ABCB10: variants seen among roughly 807,000 people sequenced by gnomAD.
ABCB10 encodes the protein ATP-binding cassette sub-family B member 10, mitochondrial.
Under a neutral mutation model 65.4 loss-of-function variants are expected in ABCB10, and 54 were observed. The ratio of observed to expected loss-of-function variants is 0.83; its 90% CI spans 0.66 to 1.04. ABCB10 has a LOEUF of 1.04. ABCB10 is among the 50% of genes least tolerant of loss of function. ABCB10 has a pLI of 0.00. For missense variants in ABCB10, 846 were observed against 976.6 expected (o/e 0.87, Z 1.78); for synonymous variants, 418 against 406.5 (o/e 1.03, Z -0.34).
chr1:229,546,171 C>CAA (rs1236717877), intron 3 of ABCB10, among the ~76,000 whole-genome samples: 20 of 54,908 alleles, frequency 3.6e-4, no homozygotes, highest in East Asian at 1.7e-3. Flanking sequence ...TACTCCGTCT[C>CAA]AAAAAAAAAA....
intron 1 of ABCB10, among the ~76,000 whole-genome samples, chr1:229,557,047 C>T (rs1663265785): frequency 6.6e-6 from 1 of 152,144 alleles, no homozygotes; most frequent in East Asian, 1.9e-4. Flanking sequence ...TCTTTACACC[C>T]GAGTGATATC....
In ABCB10 at chr1:229,531,621, A is replaced by C; in HGVS notation, c.1435+15T>G. On this transcript the variant is annotated intron_variant, in intron 7 of 12. Coordinates refer to ENST00000344517, the MANE Select transcript of ABCB10 (RefSeq NM_012089.3). Reference sequence around the variant, plus strand: ...CATTTGTTAATCCTAGCAAAGAAACAATTTTCAGACCCACCGTTAAAAGGC... The same window carrying C: ...CATTTGTTAATCCTAGCAAAGAAACCATTTTCAGACCCACCGTTAAAAGGC... 1 of 1,612,818 alleles carries C rather than the reference A, an allele frequency of 6.2e-7. No homozygotes were observed. Among genetic ancestry groups the C allele is most frequent in the Non-Finnish European group, 8.5e-7 (1 of 1,179,384 alleles).
Position 229,540,687 on chromosome 1 carries a change from G to T in ABCB10, c.1122C>A (p.Ile374=), listed in dbSNP as rs768147554. The part of the protein sequence containing the change: ...VRAFGKEMTE[I]EKYASKVDHV... ...GGTCCACTTTGCTGGCATATTTCTCGATTTCAGTCATTTCTTTCCCAAAAG... is the reference window on the plus strand; with the variant it reads ...GGTCCACTTTGCTGGCATATTTCTCTATTTCAGTCATTTCTTTCCCAAAAG... Residue 374 remains isoleucine (I), a synonymous_variant, in exon 5 of 13, where the codon ATC becomes ATA. Coordinates refer to ENST00000344517, the MANE Select transcript of ABCB10 (RefSeq NM_012089.3). The T allele has an allele frequency of 6.2e-7, 1 of 1,613,254 alleles. No individual in the cohort carries two copies. The highest frequency in any genetic ancestry group is 1.3e-5 in the African/African-American group (1 of 74,970).
At chr1:229,550,891 T>A (rs1030906545) in intron 1 of ABCB10, among the ~76,000 whole-genome samples, 1 of 149,918 alleles carries the variant, frequency 6.7e-6, no homozygotes, top group South Asian at 2.1e-4. Flanking sequence ...GAAAAGAAAA[T>A]CCAATTAGTA....
intron 2 of ABCB10, among the ~76,000 whole-genome samples, chr1:229,548,817 C>T (rs1022192916): frequency 6.6e-6 from 1 of 152,048 alleles, no homozygotes; most frequent in African/African-American, 2.4e-5. Context: ...CACACACCAC[C>T]ACGCCCGGGT....
intron 3 of ABCB10, among the ~76,000 whole-genome samples, chr1:229,543,106 G>A (rs1272473249): frequency 1.3e-5 from 2 of 148,882 alleles, no homozygotes; most frequent in African/African-American, 5.0e-5. Context: ...ACTCCGCCTG[G>A]GCAACAAGAG....
intron 2 of ABCB10, among the ~76,000 whole-genome samples, chr1:229,548,304 G>A (rs1480562262): frequency 2.0e-5 from 3 of 151,898 alleles, no homozygotes; most frequent in South Asian, 4.2e-4. Context: ...ACACTTGGCC[G>A]AGATTTTTTT....
rs1662191110 is a variant in ABCB10, at chr1:229,516,974, A to G, written c.*1205T>C. On this transcript the variant is annotated 3_prime_UTR_variant, in exon 13 of 13. Coordinates refer to ENST00000344517, the MANE Select transcript of ABCB10 (RefSeq NM_012089.3). ...ATGCTTAGTTCATGGGAAAACTTCCATTTGATTTACATTGACTTAATTACT... is the reference window on the plus strand; with the variant it reads ...ATGCTTAGTTCATGGGAAAACTTCCGTTTGATTTACATTGACTTAATTACT... 1 of 152,206 alleles carries G rather than the reference A, an allele frequency of 6.6e-6. No homozygotes were observed. Among genetic ancestry groups the G allele is most frequent in the African/African-American group, 2.4e-5 (1 of 41,458 alleles). 9.4% of individuals were successfully genotyped at this position (152,206 alleles called of 1,614,324 possible).
chr1:229,536,629 G>A (rs1662727740), intron 6 of ABCB10, among the ~76,000 whole-genome samples: 1 of 152,130 alleles, frequency 6.6e-6, no homozygotes, highest in African/African-American at 2.4e-5. Flanking sequence ...GCAATCTCTC[G>A]CTATAATGAA....
At chr1:229,545,209 A>C (rs1473350789) in intron 3 of ABCB10, among the ~76,000 whole-genome samples, 3 of 152,188 alleles carry the variant, frequency 2.0e-5, no homozygotes, top group African/African-American at 7.2e-5. Context: ...CTGATCCCCA[A>C]AACTATTCAT....
intron 10 of ABCB10, among the ~76,000 whole-genome samples, chr1:229,523,430 T>C (rs908800940): frequency 2.0e-5 from 3 of 152,240 alleles, no homozygotes; most frequent in African/African-American, 7.2e-5. Context: ...GACATCATTT[T>C]ATTTCATATA....
chr1:229,519,606 G>A (rs956054953), intron 11 of ABCB10, among the ~76,000 whole-genome samples: 1 of 152,126 alleles, frequency 6.6e-6, no homozygotes, highest in African/African-American at 2.4e-5. Context: ...TGGCCAACAT[G>A]GCAAAACCCC....
At chr1:229,521,542 A>G (rs1662315886) in intron 11 of ABCB10, 50 bp downstream of exon 11, 2 of 1,541,556 alleles carry the variant, frequency 1.3e-6, no homozygotes, top group East Asian at 4.6e-5. Context: ...CAAGGTCCCT[A>G]ATAAAAATAA....
At chr1:229,544,984 G>C (rs1662934830) in intron 3 of ABCB10, among the ~76,000 whole-genome samples, 1 of 151,662 alleles carries the variant, frequency 6.6e-6, no homozygotes, top group Admixed American at 6.6e-5. Context: ...ACAAGAAAAG[G>C]CCTCAGAATG....
chr1:229,541,924 A>T (rs1372606597), intron 4 of ABCB10, among the ~76,000 whole-genome samples: 1 of 151,724 alleles, frequency 6.6e-6, no homozygotes, highest in Non-Finnish European at 1.5e-5. Flanking sequence ...AGAGTGCATG[A>T]AAAAACTTTT....
At position 229,542,327 on chromosome 1, in the gene ABCB10, C is replaced by CAAA; in HGVS notation, c.965_966insTTT (p.Val322_Pro323insLeu). On this transcript the variant is annotated inframe_insertion, in exon 4 of 13. Transcript: ENST00000344517. ...TTACAGCAATGATTGACACTGGAGG[C>CAAA]ACCACGCTCAAAACAAAGGTGGCCA... 6.2e-7 allele frequency: 1 copy of CAAA among 1,613,972 alleles called. No homozygotes were observed. The highest frequency in any genetic ancestry group is 8.5e-7 in the Non-Finnish European group (1 of 1,179,984).
rs546629772 is a variant in ABCB10 at position 229,535,766 on chromosome 1, C to A, written c.1339+3690G>T. ...TTTGAGACAGAGTCTCACTCTGTCACCCAGGCTGGAGTGCAGTGGCACAAT... is the reference window on the plus strand; with the variant it reads ...TTTGAGACAGAGTCTCACTCTGTCAACCAGGCTGGAGTGCAGTGGCACAAT... On this transcript the variant is annotated intron_variant, in intron 6 of 12. Coordinates refer to ENST00000344517, the MANE Select transcript of ABCB10 (RefSeq NM_012089.3). Among the ~76,000 whole-genome samples, 9 of 151,080 alleles carry A rather than the reference C, an allele frequency of 6.0e-5. No individual in the cohort carries two copies. The East Asian group carries it at 1.4e-3, about 23-fold the overall frequency.
chr1:229,543,568 T>C (rs78880340), intron 3 of ABCB10, among the ~76,000 whole-genome samples: 103 of 152,326 alleles, frequency 6.8e-4, no homozygotes, highest in Non-Finnish European at 9.4e-4. Context: ...AGAGCCCACG[T>C]TACTGAGTGC....
At chr1:229,534,342 C>T (rs2891862) in intron 6 of ABCB10, among the ~76,000 whole-genome samples, 1,737 of 152,274 alleles carry the variant, frequency 0.011, 35 homozygotes, top group African/African-American at 0.039. Context: ...ATGGGACACA[C>T]ATTTTGGAAG....
Sources: allele counts gnomAD v4.1 joint callset (sites outside exome capture counted in the v4.1 genomes callset), GRCh38; gene constraint gnomAD v4.1.1; transcripts MANE v1.5; gene names NCBI Gene and HGNC (gene_info 2026-07-23, HGNC 2026-07-21).